The following ANKRD44 variants were observed in gnomAD, a reference collection of about 807,000 sequenced individuals.
ANKRD44 encodes serine/threonine-protein phosphatase 6 regulatory ankyrin repeat subunit B.
Under a neutral mutation model 116.0 loss-of-function variants are expected in ANKRD44, and 35 were observed. The ratio of observed to expected loss-of-function variants is 0.30; its 90% CI spans 0.23 to 0.40. The LOEUF (loss-of-function observed/expected upper bound fraction) is 0.40, where lower values mean the gene tolerates loss of function less well. Among genes scored for constraint, ANKRD44 ranks in the 10% least tolerant of loss-of-function variants. The pLI is 1.00. For missense variants in ANKRD44, 1,014 were observed against 1,242.6 expected, an observed-to-expected ratio of 0.82 and a Z score of 2.77; for synonymous variants, 435 against 461.8, an observed-to-expected ratio of 0.94 and a Z score of 0.74.
rs761642349 is a variant in ANKRD44 at position 197,013,464 on chromosome 2, C to T, written c.1924+47G>A. ...GCTGCTTTCCTTCTATTAAAACTTA[C>T]GAACAAGCCACAAAACTAGGGTAAT... On this transcript the variant is annotated intron_variant, in intron 18 of 27. Coordinates refer to ENST00000282272, the MANE Select transcript of ANKRD44 (RefSeq NM_001195144.2). 1.5e-5 allele frequency: 24 copies of T among 1,584,492 alleles called. 1 individual carries two copies. The highest frequency in any genetic ancestry group is 2.2e-5 in the East Asian group (1 of 44,488).
In ANKRD44 at chr2:196,995,395, T is replaced by C. The variant is rs763397006; in HGVS notation, c.2815A>G (p.Asn939Asp). ...TACACTTACGTCTGCAGTGCATTATTTTTTTCATTAATAAGGCTCTCGTCT... is the reference window on the plus strand; with the variant it reads ...TACACTTACGTCTGCAGTGCATTATCTTTTTCATTAATAAGGCTCTCGTCT... ...IQDESLINEK[N>D]NALQTPLHVA... The change falls in exon 26 of 28, where the codon AAT (asparagine) becomes GAT (aspartate). Residue 939 changes from asparagine (N) to aspartate (D), a missense_variant. By Grantham distance (23) the Asn-to-Asp change is conservative (BLOSUM62 1). Transcript: ENST00000282272. 6.2e-7 allele frequency: 1 copy of C among 1,612,560 alleles called. No individual in the cohort carries two copies. Among genetic ancestry groups the C allele is most frequent in the Admixed American group, 1.7e-5 (1 of 59,890 alleles).
chr2:197,018,925 T>C (rs2076442714), intron 17 of ANKRD44, among the ~76,000 whole-genome samples: 1 of 152,172 alleles, frequency 6.6e-6, no homozygotes, highest in African/African-American at 2.4e-5. Flanking sequence ...AATTAACTTG[T>C]CCAAGATCAC....
At chr2:197,257,648 A>T (rs1419910474) in intron 1 of ANKRD44, among the ~76,000 whole-genome samples, 1 of 152,180 alleles carries the variant, frequency 6.6e-6, no homozygotes. Context: ...ATTCTCCATG[A>T]TGTACTTATT....
intron 1 of ANKRD44, among the ~76,000 whole-genome samples, chr2:197,223,355 A>G (rs1349822370): frequency 6.6e-6 from 1 of 152,200 alleles, no homozygotes; most frequent in East Asian, 1.9e-4. Context: ...GACCATAAAT[A>G]ATGTAGTTTT....
At chr2:197,250,563 G>T (rs1251827385) in intron 1 of ANKRD44, among the ~76,000 whole-genome samples, 1 of 152,204 alleles carries the variant, frequency 6.6e-6, no homozygotes, top group African/African-American at 2.4e-5. Context: ...GCAGTTAAGA[G>T]TGCCTCCCAA....
intron 16 of ANKRD44, among the ~76,000 whole-genome samples, chr2:197,035,798 G>C (rs1037687133): frequency 6.6e-6 from 1 of 151,604 alleles, no homozygotes; most frequent in Admixed American, 6.6e-5. Context: ...AGCCCAGAAC[G>C]GGGGGCTGAG....
intron 1 of ANKRD44, among the ~76,000 whole-genome samples, chr2:197,231,809 AT>A (rs1393051932): frequency 6.6e-6 from 1 of 152,068 alleles, no homozygotes; most frequent in Non-Finnish European, 1.5e-5. Flanking sequence ...TGACACTTCC[AT>A]TCATGGGCCA....
chr2:197,109,586 T>C (rs2078517235), intron 9 of ANKRD44, among the ~76,000 whole-genome samples: 1 of 152,228 alleles, frequency 6.6e-6, no homozygotes, highest in African/African-American at 2.4e-5. Flanking sequence ...GACTAAGACA[T>C]AACTCAGTGC....
chr2:197,035,945 C>G (rs958377652), intron 16 of ANKRD44, among the ~76,000 whole-genome samples: 25 of 152,128 alleles, frequency 1.6e-4, no homozygotes, highest in Admixed American at 5.2e-4. Flanking sequence ...CACGCTGGAC[C>G]CCAGTGGACC....
intron 16 of ANKRD44, among the ~76,000 whole-genome samples, chr2:197,047,578 A>C (rs1404752053): frequency 6.6e-6 from 1 of 152,192 alleles, no homozygotes; most frequent in Non-Finnish European, 1.5e-5. Context: ...AACTTAGAGA[A>C]AGATTTGCAG....
chr2:197,251,401 A>G (rs1470097892), intron 1 of ANKRD44, among the ~76,000 whole-genome samples: 4 of 152,196 alleles, frequency 2.6e-5, no homozygotes, highest in African/African-American at 9.6e-5. Flanking sequence ...GAGTCTGGAC[A>G]ATTGTGTGAC....
intron 1 of ANKRD44, among the ~76,000 whole-genome samples, chr2:197,226,532 T>C (rs558383246): frequency 2.2e-4 from 33 of 152,130 alleles, no homozygotes; most frequent in Non-Finnish European, 3.8e-4. Flanking sequence ...GGTGTGGTGG[T>C]GCACGCCTGT....
intron 16 of ANKRD44, among the ~76,000 whole-genome samples, chr2:197,047,904 C>T (rs897217713): frequency 2.0e-5 from 3 of 147,436 alleles, no homozygotes; most frequent in Admixed American, 6.7e-5. Flanking sequence ...AGTGAGACTC[C>T]GCAAAAAGAA....
intron 2 of ANKRD44, among the ~76,000 whole-genome samples, chr2:197,158,295 GAA>G (rs1404898304): frequency 6.6e-6 from 1 of 152,134 alleles, no homozygotes; most frequent in Non-Finnish European, 1.5e-5. Flanking sequence ...CGCATTTGTT[GAA>G]AAGTTTTCCA....
In ANKRD44 at chr2:197,263,649, T is replaced by C. The variant is rs576203694; in HGVS notation, c.27+46929A>G. 4.5e-5 allele frequency: 8 copies of C among 177,618 alleles called. No individual in the cohort carries two copies. In the South Asian group the frequency reaches 1.3e-3, roughly 28 times the overall value. 11.0% of individuals were successfully genotyped at this position (177,618 alleles called of 1,614,324 possible). On this transcript the variant is annotated intron_variant, in intron 1 of 27. Transcript: ENST00000282272. ...GGAACATGGTTGGCTCAGGGTTTGA[T>C]AGAGGAAAGACAAATACTGTATTAA...
intron 1 of ANKRD44, among the ~76,000 whole-genome samples, chr2:197,293,840 C>T (rs568535358): frequency 6.6e-6 from 1 of 152,274 alleles, no homozygotes; most frequent in East Asian, 1.9e-4. Flanking sequence ...GCAGATGATA[C>T]GATACTAGAA....
At chr2:197,171,886 C>T (rs2080242537) in intron 2 of ANKRD44, among the ~76,000 whole-genome samples, 1 of 151,462 alleles carries the variant, frequency 6.6e-6, no homozygotes, top group Admixed American at 6.6e-5. Flanking sequence ...TTTAGAAATT[C>T]AATTAAAAGG....
chr2:197,217,143 T>C (rs1358789451), intron 1 of ANKRD44, among the ~76,000 whole-genome samples: 1 of 152,208 alleles, frequency 6.6e-6, no homozygotes, highest in Non-Finnish European at 1.5e-5. Context: ...TCCACTTTTT[T>C]TTCATGGTCC....
chr2:197,184,918 C>A (rs894057069), intron 2 of ANKRD44, among the ~76,000 whole-genome samples: 1 of 152,316 alleles, frequency 6.6e-6, no homozygotes, highest in Middle Eastern at 3.4e-3. Context: ...CTCCCCTAAC[C>A]TTTACCAGCT....
Sources: allele counts gnomAD v4.1 joint callset (sites outside exome capture counted in the v4.1 genomes callset), GRCh38; gene constraint gnomAD v4.1.1; transcripts MANE v1.5; gene names NCBI Gene and HGNC (gene_info 2026-07-23, HGNC 2026-07-21).